AOAH: variants seen among roughly 807,000 people sequenced by gnomAD.
The protein encoded by AOAH is acyloxyacyl hydrolase (neutrophil).
Under a neutral mutation model 92.2 loss-of-function variants are expected in AOAH, and 64 were observed. The observed-to-expected ratio is 0.69, with a 90% CI of 0.57 to 0.86. The LOEUF is 0.86. Among genes scored for constraint, AOAH ranks in the 40% least tolerant of loss-of-function variants. The probability of loss-of-function intolerance (pLI) is 0.00; values close to 1 mark genes in which losing one functional copy is unlikely to be tolerated. For synonymous variants in AOAH, 263 were observed against 254.5 expected, an observed-to-expected ratio of 1.03 and a Z score of -0.32; for missense variants, 656 against 694.6, an observed-to-expected ratio of 0.94 and a Z score of 0.62.
At chr7:36,696,459 G>A (rs1356708103) in intron 1 of AOAH, among the ~76,000 whole-genome samples, 1 of 152,126 alleles carries the variant, frequency 6.6e-6, no homozygotes, top group Admixed American at 6.5e-5. Context: ...GTAATTTTCA[G>A]TGTAGAGTAA....
chr7:36,557,548 G>A (rs11762884), intron 13 of AOAH, among the ~76,000 whole-genome samples: 8,127 of 152,214 alleles, frequency 0.053, 224 homozygotes, highest in East Asian at 0.15. Context: ...CTAGATTGGG[G>A]AAGTTCTCCT....
In AOAH at chr7:36,601,642, G is replaced by A. The variant is rs139726057; in HGVS notation, c.847-7212C>T. Among the ~76,000 whole-genome samples, 234 of 152,290 alleles carry A rather than the reference G, an allele frequency of 1.5e-3. 1 individual carries two copies. Among genetic ancestry groups the A allele is most frequent in the African/African-American group, 5.3e-3 (219 of 41,568 alleles). On this transcript the variant is annotated intron_variant, in intron 11 of 20. Coordinates refer to ENST00000617537, the MANE Select transcript of AOAH (RefSeq NM_001637.4). ...TTAAAAAAGATAATCTATGCATGAC[G>A]TTTAGACTTGTAAGAGCTCAATAAA...
chr7:36,702,727 A>T (rs1329942511), intron 1 of AOAH, among the ~76,000 whole-genome samples: 1 of 152,150 alleles, frequency 6.6e-6, no homozygotes, highest in Non-Finnish European at 1.5e-5. Context: ...TTGCAGATGG[A>T]GGGTCTTGCC....
intron 11 of AOAH, among the ~76,000 whole-genome samples, chr7:36,610,436 A>G (rs919161306): frequency 6.6e-6 from 1 of 151,092 alleles, no homozygotes; most frequent in Non-Finnish European, 1.5e-5. Context: ...TACTGTGAAA[A>G]ATTTAAGATG....
intron 15 of AOAH, among the ~76,000 whole-genome samples, chr7:36,545,050 C>CT (rs566403888): frequency 0.048 from 7,025 of 146,292 alleles, 432 homozygotes; most frequent in African/African-American, 0.15. Flanking sequence ...GAAGAGAAAT[C>CT]TTTTTTTTTT....
chr7:36,517,212 T>TTCTTTCTTTCTTTTTCTC lies in AOAH; in HGVS notation c.1600-3833_1600-3832insGAGAAAAAGAAAGAAAGA, dbSNP rs1474223898. 9.5e-5 allele frequency among the ~76,000 whole-genome samples: 2 copies of TTCTTTCTTTCTTTTTCTC among 21,120 alleles called. 1 individual carries two copies. Among genetic ancestry groups the TTCTTTCTTTCTTTTTCTC allele is most frequent in the East Asian group, 0.011 (2 of 184 alleles). The allele number at this position is 21,120 out of a possible 152,430, so 13.9% of individuals were successfully genotyped here. A position where few individuals can be genotyped will look rare whatever the true frequency, so the allele number is the denominator to read the frequency against. Reference sequence around the variant, plus strand: ...TTTCTTTCTTTCTTTCTTTCTTTCTTTCTCTTTCTTTCTGTCTCTCTCTCT... The same window carrying TTCTTTCTTTCTTTTTCTC: ...TTTCTTTCTTTCTTTCTTTCTTTCTTTCTTTCTTTCTTTTTCTCTCTCTTTCTTTCTGTCTCTCTCTCT... On this transcript the variant is annotated intron_variant, in intron 20 of 20. Coordinates refer to ENST00000617537, the MANE Select transcript of AOAH (RefSeq NM_001637.4).
Position 36,631,964 on chromosome 7 carries a change from C to A in AOAH, c.521+72G>T. On this transcript the variant is annotated intron_variant, in intron 6 of 20. Coordinates refer to ENST00000617537, the MANE Select transcript of AOAH (RefSeq NM_001637.4). ...TTTTAAGTGTGAAGATCATTTTGGT[C>A]ATTAGAAAAGGGGGACAAGCAAAGA... 3 of 1,211,904 alleles carry A rather than the reference C, an allele frequency of 2.5e-6. No individual in the cohort carries two copies. In the South Asian group the frequency reaches 4.1e-5, roughly 17 times the overall value. 75.1% of individuals were successfully genotyped at this position (1,211,904 alleles called of 1,614,324 possible).
chr7:36,721,340 C>A (rs1799619871), intron 1 of AOAH, among the ~76,000 whole-genome samples: 2 of 152,284 alleles, frequency 1.3e-5, no homozygotes, highest in South Asian at 4.1e-4. Context: ...TGCAGCACAG[C>A]CCGGCTTCTC....
intron 1 of AOAH, among the ~76,000 whole-genome samples, chr7:36,691,569 A>G (rs1244010254): frequency 6.6e-6 from 1 of 152,192 alleles, no homozygotes; most frequent in African/African-American, 2.4e-5. Flanking sequence ...CTGGTATAGT[A>G]GAGAGTAGAA....
chr7:36,698,670 TA>T (rs1487510444), intron 1 of AOAH, among the ~76,000 whole-genome samples: 1 of 152,182 alleles, frequency 6.6e-6, no homozygotes, highest in African/African-American at 2.4e-5. Flanking sequence ...ATAATTTTAC[TA>T]TTTTTTATTG....
chr7:36,622,312 T>C (rs1386865168), intron 7 of AOAH, among the ~76,000 whole-genome samples: 5 of 152,228 alleles, frequency 3.3e-5, no homozygotes, highest in Non-Finnish European at 5.9e-5. Context: ...ACAATTGGCT[T>C]ATTTGGCCAA....
intron 16 of AOAH, among the ~76,000 whole-genome samples, chr7:36,535,995 G>T (rs1172999830): frequency 6.6e-6 from 1 of 152,206 alleles, no homozygotes; most frequent in Non-Finnish European, 1.5e-5. Context: ...GCTGTGGGGT[G>T]CCCCAGCCCT....
chr7:36,581,981 T>A (rs1338823110), intron 12 of AOAH, among the ~76,000 whole-genome samples: 1 of 152,208 alleles, frequency 6.6e-6, no homozygotes, highest in African/African-American at 2.4e-5. Context: ...GTGGGATCAA[T>A]ATAATATTTT....
chr7:36,586,327 C>T (rs559007753), intron 12 of AOAH, among the ~76,000 whole-genome samples: 14 of 152,330 alleles, frequency 9.2e-5, no homozygotes, highest in Admixed American at 4.6e-4. Context: ...CTTCCAGCTT[C>T]GCCCCACTGA....
rs576848870 is a variant in AOAH at position 36,527,360 on chromosome 7, C to T, written c.1522+3058G>A. ...CACAATTGTCAGATCACATACAGTA[C>T]CAAAATGAGAGGAGAGATTTTCATG... On this transcript the variant is annotated intron_variant, in intron 19 of 20. Transcript: ENST00000617537. 2.3e-4 allele frequency among the ~76,000 whole-genome samples: 35 copies of T among 152,176 alleles called. No homozygotes were observed. In the South Asian group the frequency reaches 6.9e-3, roughly 30 times the overall value.
chr7:36,689,308 T>TA (rs879766631), intron 1 of AOAH, among the ~76,000 whole-genome samples: 1 of 152,190 alleles, frequency 6.6e-6, no homozygotes, highest in African/African-American at 2.4e-5. Context: ...GGTTGTATGT[T>TA]AGTCTGTTCA....
intron 1 of AOAH, among the ~76,000 whole-genome samples, chr7:36,702,865 T>C (rs966709990): frequency 6.6e-5 from 10 of 152,142 alleles, no homozygotes; most frequent in Non-Finnish European, 7.4e-5. Flanking sequence ...GATTTCTCTG[T>C]AGGAGGCAAT....
At chr7:36,642,948 CATCTGTAAA>C (rs1794002682) in intron 4 of AOAH, among the ~76,000 whole-genome samples, 1 of 152,184 alleles carries the variant, frequency 6.6e-6, no homozygotes, top group South Asian at 2.1e-4. Context: ...CTAGTTTCTT[CATCTGTAAA>C]GTGGAGATAA....
chr7:36,599,789 C>T (rs1238034262), intron 11 of AOAH: 1 of 152,372 alleles, frequency 6.6e-6, no homozygotes, highest in African/African-American at 2.4e-5. Flanking sequence ...TTGGCTCCTC[C>T]TCCGTCTGTC....
Sources: gnomAD v4.1 joint callset for allele counts (sites outside exome capture counted in the v4.1 genomes callset) on GRCh38, gnomAD v4.1.1 for gene constraint, MANE v1.5 for transcripts, NCBI Gene and HGNC (gene_info 2026-07-23, HGNC 2026-07-21) for gene names.